VDR: variants seen among roughly 807,000 people sequenced by gnomAD.
VDR encodes vitamin D receptor, also known as vitamin D3 receptor.
Under a neutral mutation model 39.7 loss-of-function variants are expected in VDR, and 19 were observed. That is an observed-to-expected ratio of 0.48 (90% confidence interval 0.33 to 0.70). The LOEUF (loss-of-function observed/expected upper bound fraction) is 0.70. VDR is among the 30% of genes least tolerant of loss of function. The pLI, the probability that VDR is intolerant of heterozygous loss-of-function variation, is 0.02. For synonymous variants in VDR, 242 were observed against 215.8 expected (o/e 1.12, Z -1.07); for missense variants, 442 against 570.5 (o/e 0.77, Z 2.29).
chr12:47,879,945 T>C (rs1283276127), intron 2 of VDR, among the ~76,000 whole-genome samples: 1 of 152,076 alleles, frequency 6.6e-6, no homozygotes, highest in Non-Finnish European at 1.5e-5. Context: ...GCCCACAGCT[T>C]TGGGAAGGCC....
chr12:47,854,970 A>T (rs185049077), intron 7 of VDR, among the ~76,000 whole-genome samples: 81 of 152,338 alleles, frequency 5.3e-4, no homozygotes, highest in Admixed American at 4.6e-3. Context: ...AGGTGGGTGG[A>T]TCACTTGAGG....
chr12:47,842,767 G>C lies in VDR; in HGVS notation c.*1979C>G, dbSNP rs2544043. On this transcript the variant is annotated 3_prime_UTR_variant, in exon 10 of 10. Coordinates refer to ENST00000549336, the MANE Select transcript of VDR (RefSeq NM_000376.3). ...GATTACAGGCGTGAGCCACCGCGCC[G>C]GGCCTGTCCTGGCCCACTTCTAGCT... The C allele has an allele frequency of 0.95, 144,927 of 152,166 alleles. 69,068 individuals carry two copies. Among genetic ancestry groups the C allele is most frequent in the East Asian group, 1 (5,154 of 5,156 alleles). The allele number at this position is 152,166 out of a possible 1,614,324, so 9.4% of individuals were successfully genotyped here.
intron 1 of VDR, among the ~76,000 whole-genome samples, chr12:47,892,070 G>A (rs1946381249): frequency 6.6e-6 from 1 of 152,202 alleles, no homozygotes. Context: ...TGGCTCAGTG[G>A]GCCTGGACTT....
chr12:47,848,486 G>A (rs58187695), intron 7 of VDR, among the ~76,000 whole-genome samples: 3,071 of 148,432 alleles, frequency 0.021, 107 homozygotes, highest in African/African-American at 0.07. Context: ...GTGATGCCTT[G>A]AACATTGCTG....
chr12:47,842,256 G>T lies in VDR; in HGVS notation c.*2490C>A, dbSNP rs1945185187. 6.6e-6 allele frequency: 1 copy of T among 152,472 alleles called. No homozygotes were observed. Among genetic ancestry groups the T allele is most frequent in the Non-Finnish European group, 1.5e-5 (1 of 68,108 alleles). 9.4% of individuals were successfully genotyped at this position (152,472 alleles called of 1,614,324 possible). A position where few individuals can be genotyped will look rare whatever the true frequency, so the allele number is the denominator to read the frequency against. On this transcript the variant is annotated 3_prime_UTR_variant, in exon 10 of 10. Transcript: ENST00000549336. ...GTCTGATTCACATTGAGGCAGAGGT[G>T]AGTCTCCTTCCTTCTCCTTCTGATG...
chr12:47,881,679 A>G (rs1257996557), intron 2 of VDR, among the ~76,000 whole-genome samples: 1 of 152,220 alleles, frequency 6.6e-6, no homozygotes, highest in African/African-American at 2.4e-5. Context: ...GCCCTTCTGA[A>G]TATACAAAAC....
At chr12:47,879,763 C>A (rs992196182) in intron 2 of VDR, among the ~76,000 whole-genome samples, 1 of 151,828 alleles carries the variant, frequency 6.6e-6, no homozygotes, top group Non-Finnish European at 1.5e-5. Flanking sequence ...AAGATATTTC[C>A]CCCCCCTTTT....
In VDR at chr12:47,882,736, T is replaced by C. The variant is rs752414831; in HGVS notation, c.-45A>G. 6 of 1,528,448 alleles carry C rather than the reference T, an allele frequency of 3.9e-6. No homozygotes were observed. The South Asian group carries it at 6.0e-5, about 15-fold the overall frequency. The allele number at this position is 1,528,448 out of a possible 1,614,324, so 94.7% of individuals were successfully genotyped here. Reference sequence around the variant, plus strand: ...AGGTAAGTGGAGCCCAGGGGTGCTCTTCTGTGAGGTCTCACAGACACTTCA... The same window carrying C: ...AGGTAAGTGGAGCCCAGGGGTGCTCCTCTGTGAGGTCTCACAGACACTTCA... On this transcript the variant is annotated 5_prime_UTR_variant, in exon 2 of 10. Transcript: ENST00000549336.
At chr12:47,859,914 CTTCTTTCT>C (rs1565615351) in intron 4 of VDR, among the ~76,000 whole-genome samples, 2 of 55,258 alleles carry the variant, frequency 3.6e-5, no homozygotes, top group Non-Finnish European at 6.9e-5. Context: ...TCCTTCCTTC[CTTCTTTCT>C]TTTTCTTTCT....
chr12:47,900,750 C>G (rs141080384), intron 1 of VDR, among the ~76,000 whole-genome samples: 1 of 152,160 alleles, frequency 6.6e-6, no homozygotes, highest in Non-Finnish European at 1.5e-5. Context: ...TTGCATAACA[C>G]CTCCAAGCTC....
At chr12:47,859,983 C>T (rs1945594097) in intron 4 of VDR, among the ~76,000 whole-genome samples, 2 of 145,896 alleles carry the variant, frequency 1.4e-5, no homozygotes, top group South Asian at 4.3e-4. Flanking sequence ...TTCTTTCTTT[C>T]ACAGACTCTC....
In VDR at chr12:47,843,587, A is replaced by T. The variant is rs1945212504; in HGVS notation, c.*1159T>A. On this transcript the variant is annotated 3_prime_UTR_variant, in exon 10 of 10. Coordinates refer to ENST00000549336, the MANE Select transcript of VDR (RefSeq NM_000376.3). ...GCACCTTTTGACTTTTGGGTGGTGGAGTGAGAATAAGAAGGCACCTTACCC... is the reference window on the plus strand; with the variant it reads ...GCACCTTTTGACTTTTGGGTGGTGGTGTGAGAATAAGAAGGCACCTTACCC... The T allele has an allele frequency of 6.6e-6, 1 of 152,224 alleles. No individual in the cohort carries two copies. Among genetic ancestry groups the T allele is most frequent in the Admixed American group, 6.6e-5 (1 of 15,266 alleles). 9.4% of individuals were successfully genotyped at this position (152,224 alleles called of 1,614,324 possible).
At chr12:47,883,810 C>T (rs372214969) in intron 1 of VDR, among the ~76,000 whole-genome samples, 2 of 152,202 alleles carry the variant, frequency 1.3e-5, no homozygotes, top group South Asian at 4.1e-4. Context: ...AAGGGGCTTC[C>T]AAGACCTGGG....
intron 9 of VDR, among the ~76,000 whole-genome samples, chr12:47,846,053 G>T (rs1019263755): frequency 6.6e-6 from 1 of 152,192 alleles, no homozygotes; most frequent in African/African-American, 2.4e-5. Context: ...TTGGGAATGC[G>T]CAGGCCTGTC....
At position 47,865,737 on chromosome 12, in the gene VDR, C is replaced by T. The variant is rs559949981; in HGVS notation, c.147-560G>A. ...CTCTTTTTTTTTTTTTTTTTTGAGA[C>T]GGAGTTTTGCTCTGTCACCCAGGCT... On this transcript the variant is annotated intron_variant, in intron 3 of 9. Transcript: ENST00000549336. 2.3e-3 allele frequency among the ~76,000 whole-genome samples: 269 copies of T among 116,480 alleles called. 2 individuals carry two copies. Among genetic ancestry groups the T allele is most frequent in the African/African-American group, 7.0e-3 (210 of 29,852 alleles). 76.4% of individuals were successfully genotyped at this position (116,480 alleles called of 152,430 possible).
At position 47,882,561 on chromosome 12, in the gene VDR, G is replaced by A. The variant is rs553986219; in HGVS notation, c.-3+133C>T. On this transcript the variant is annotated intron_variant, in intron 2 of 9. Transcript: ENST00000549336. ...TCTCAGTTGCAGACTCTGCTGGCCC[G>A]GGACCCACCTTGCAAAATCCTGGGT... 61 of 743,944 alleles carry A rather than the reference G, an allele frequency of 8.2e-5. No individual in the cohort carries two copies. In the East Asian group the frequency reaches 1.2e-3, roughly 14 times the overall value. 46.1% of individuals were successfully genotyped at this position (743,944 alleles called of 1,614,324 possible). A position where few individuals can be genotyped will look rare whatever the true frequency, so the allele number is the denominator to read the frequency against.
At chr12:47,891,658 A>G (rs1946370745) in intron 1 of VDR, among the ~76,000 whole-genome samples, 1 of 152,294 alleles carries the variant, frequency 6.6e-6, no homozygotes, top group African/African-American at 2.4e-5. Flanking sequence ...ACAAATCTGG[A>G]CTTTTCCTCC....
intron 1 of VDR, among the ~76,000 whole-genome samples, chr12:47,884,472 G>C (rs1259252896): frequency 6.6e-6 from 1 of 152,114 alleles, no homozygotes; most frequent in Non-Finnish European, 1.5e-5. Flanking sequence ...GCCCAACTGG[G>C]TCCTTTTGCA....
At chr12:47,879,547 G>A (rs558718596) in intron 2 of VDR, among the ~76,000 whole-genome samples, 17 of 152,230 alleles carry the variant, frequency 1.1e-4, no homozygotes, top group South Asian at 2.1e-4. Context: ...CCTGCCCAAC[G>A]CCCCCTCCAA....
Sources: gnomAD v4.1 joint callset for allele counts (sites outside exome capture counted in the v4.1 genomes callset) on GRCh38, gnomAD v4.1.1 for gene constraint, MANE v1.5 for transcripts, NCBI Gene and HGNC (gene_info 2026-07-23, HGNC 2026-07-21) for gene names.